Variants in OTX2 observed in about 807,000 individuals in gnomAD.
OTX2 encodes orthodenticle homeobox 2.
Under a neutral mutation model 29.0 loss-of-function variants are expected in OTX2, and 4 were observed. That is an observed-to-expected ratio of 0.14 (90% CI 0.07 to 0.32). The LOEUF is 0.32. Among genes scored for constraint, OTX2 ranks in the 10% least tolerant of loss-of-function variants. OTX2 has a pLI of 1.00. For missense variants in OTX2, 298 were observed against 365.9 expected (o/e 0.81, Z 1.51); for synonymous variants, 134 against 141.0 (o/e 0.95, Z 0.35).
At chr14:56,808,095 G>T (rs1892153095) in intron 2 of OTX2, among the ~76,000 whole-genome samples, 1 of 146,214 alleles carries the variant, frequency 6.8e-6, no homozygotes, top group South Asian at 2.2e-4. Context: ...GCAATCTGTC[G>T]CTTCTCCCTC....
intron 2 of OTX2, 34 bp from the exon 3 acceptor site, chr14:56,805,609 T>A: frequency 1.5e-6 from 1 of 669,736 alleles, no homozygotes; most frequent in Non-Finnish European, 2.7e-6. Flanking sequence ...ACAGAGGGGC[T>A]GGTTTACTGC....
At position 56,804,211 on chromosome 14, in the gene OTX2, T is replaced by G; in HGVS notation, c.250A>C (p.Asn84His). ...FMREEVALKI[N>H]LPESRVQVWF... ...ACCTGCACCCTCGACTCGGGCAAGTTGATTTTCAGTGCCACCTCCTCTCGC... is the reference window on the plus strand; with the variant it reads ...ACCTGCACCCTCGACTCGGGCAAGTGGATTTTCAGTGCCACCTCCTCTCGC... Residue 84 changes from asparagine (N) to histidine (H), a missense_variant, in exon 4 of 5, where the codon AAC becomes CAC. This residue lies in a region of OTX2 where 29 missense variants were observed against 84.7 expected (regional missense o/e 0.34). Transcript: ENST00000672264. The surrounding 1 kb of genome is among the most constrained non-coding windows in gnomAD (Gnocchi z 4.1). 6.2e-7 allele frequency: 1 copy of G among 1,614,150 alleles called. No individual in the cohort carries two copies. The highest frequency in any genetic ancestry group is 8.5e-7 in the Non-Finnish European group (1 of 1,180,026).
Position 56,802,350 on chromosome 14 carries a change from C to G in OTX2, c.279G>C (p.Trp93Cys). Residue 93 changes from tryptophan to cysteine, a missense_variant, in exon 5 of 5, where the codon TGG becomes TGC. Trp to Cys is a radical substitution (Grantham distance 215). This residue lies in a region of OTX2 where 29 missense variants were observed against 84.7 expected (regional missense o/e 0.34). Coordinates refer to ENST00000672264, the MANE Select transcript of OTX2 (RefSeq NM_021728.4). The surrounding 1 kb of genome is among the most constrained non-coding windows in gnomAD (Gnocchi z 4.4). ...INLPESRVQV[W>C]FKNRRAKCRQ... is the part of the protein sequence containing the mutation. ...GGCACTTAGCTCTTCGATTCTTAAA[C>G]CATACCTTGGAAGGGAAAGAAAATT... 6.2e-7 allele frequency: 1 copy of G among 1,614,164 alleles called. No homozygotes were observed. The highest frequency in any genetic ancestry group is 8.5e-7 in the Non-Finnish European group (1 of 1,180,038).
In OTX2 at chr14:56,801,982, A is replaced by C. The variant is rs1891899299; in HGVS notation, c.647T>G (p.Met216Arg). Reference sequence around the variant, plus strand: ...CCCTGGTCCGGGAAGCTGGTGATGCATAGGGGTCAAATATGATCCACAGTC... The same window carrying C: ...CCCTGGTCCGGGAAGCTGGTGATGCCTAGGGGTCAAATATGATCCACAGTC... ...GMDCGSYLTP[M>R]HHQLPGPGAT... The change falls in exon 5 of 5, where the codon ATG (methionine) becomes AGG (arginine). Residue 216 changes from methionine to arginine, a missense_variant. Met to Arg is a moderately conservative substitution (Grantham distance 91, BLOSUM62 -1). Transcript: ENST00000672264. The surrounding 1 kb of genome is among the most constrained non-coding windows in gnomAD (Gnocchi z 4.2). 2 of 1,614,172 alleles carry C rather than the reference A, an allele frequency of 1.2e-6. No homozygotes were observed. The highest frequency in any genetic ancestry group is 1.7e-6 in the Non-Finnish European group (2 of 1,180,034).
Position 56,801,288 on chromosome 14 carries a change from A to G in OTX2, c.*447T>C. ...GCCCTGAAAAGTTTTTTCAGTGCCA[A>G]CTACCAGTTGGTCATGAAACGTGAA... On this transcript the variant is annotated 3_prime_UTR_variant, in exon 5 of 5. Transcript: ENST00000672264. This position sits in a 1 kb window ranked among gnomAD's most constrained non-coding sequence, Gnocchi z 4.2. 4 of 222,832 alleles carry G rather than the reference A, an allele frequency of 1.8e-5. No individual in the cohort carries two copies. The South Asian group carries it at 3.1e-4, about 17-fold the overall frequency. 13.8% of individuals were successfully genotyped at this position (222,832 alleles called of 1,614,324 possible).
rs895494809 is a variant in OTX2, at chr14:56,800,041, T to C, written c.*1694A>G. 5 of 152,220 alleles carry C rather than the reference T, an allele frequency of 3.3e-5. No homozygotes were observed. Among genetic ancestry groups the C allele is most frequent in the Non-Finnish European group, 7.3e-5 (5 of 68,048 alleles). 9.4% of individuals were successfully genotyped at this position (152,220 alleles called of 1,614,324 possible). ...GAGGAGCACCATGATCATTGGCCCA[T>C]TTGTCTTTTCTGGTGACTGGTTTAC... is the stretch of plus-strand genomic sequence containing the variant. On this transcript the variant is annotated 3_prime_UTR_variant, in exon 5 of 5. Coordinates refer to ENST00000672264, the MANE Select transcript of OTX2 (RefSeq NM_021728.4).
chr14:56,807,225 CT>C (rs952702216), intron 2 of OTX2, among the ~76,000 whole-genome samples: 1 of 152,020 alleles, frequency 6.6e-6, no homozygotes, highest in Admixed American at 6.6e-5. Flanking sequence ...ATTGTCTTTT[CT>C]TTTCAAAATG....
intron 1 of OTX2, 77 bp from the exon 2 acceptor site, chr14:56,810,299 A>G (rs1892231529): frequency 6.6e-6 from 1 of 152,228 alleles, no homozygotes; most frequent in African/African-American, 2.4e-5. Context: ...ACAACCAAAA[A>G]AAATTTTTTT....
Position 56,806,886 on chromosome 14 carries a change from G to A in OTX2, c.-119-1311C>T, listed in dbSNP as rs184763603. Among the ~76,000 whole-genome samples the A allele has an allele frequency of 2.5e-3, 385 of 152,226 alleles. 1 individual carries two copies. Among genetic ancestry groups the A allele is most frequent in the African/African-American group, 7.8e-3 (323 of 41,512 alleles). ...CTGGCCTTTATTTTCCTAAAATGTG[G>A]CACTTATATGCAAGGATCTCTACTT... On this transcript the variant is annotated intron_variant, in intron 2 of 4. Transcript: ENST00000672264.
chr14:56,809,806 G>C (rs909201500), intron 2 of OTX2, among the ~76,000 whole-genome samples: 1 of 152,242 alleles, frequency 6.6e-6, no homozygotes, highest in African/African-American at 2.4e-5. Flanking sequence ...AAAACGCAAA[G>C]ATCGCGGGAG....
At chr14:56,809,135 G>A (rs928652355) in intron 2 of OTX2, among the ~76,000 whole-genome samples, 1 of 152,010 alleles carries the variant, frequency 6.6e-6, no homozygotes, top group Admixed American at 6.5e-5. Flanking sequence ...GCCTCTCCCC[G>A]CCAGAGAACA....
At position 56,800,387 on chromosome 14, in the gene OTX2, A is replaced by T. The variant is rs1258145828; in HGVS notation, c.*1348T>A. ...CCAATTCTCCTCCTCCCTCTTAAAA[A>T]CTTGATATATTTTAAAACATTCTAA... On this transcript the variant is annotated 3_prime_UTR_variant, in exon 5 of 5. Coordinates refer to ENST00000672264, the MANE Select transcript of OTX2 (RefSeq NM_021728.4). The T allele has an allele frequency of 2.0e-5, 3 of 152,176 alleles. No individual in the cohort carries two copies. In the South Asian group the frequency reaches 6.2e-4, roughly 32 times the overall value. The allele number at this position is 152,176 out of a possible 1,614,324, so 9.4% of individuals were successfully genotyped here.
In OTX2 at chr14:56,802,444, G is replaced by A. The variant is rs1891927491; in HGVS notation, c.274-89C>T. 7.1e-7 allele frequency: 1 copy of A among 1,413,648 alleles called. No homozygotes were observed. Among genetic ancestry groups the A allele is most frequent in the Non-Finnish European group, 9.9e-7 (1 of 1,006,774 alleles). The allele number at this position is 1,413,648 out of a possible 1,614,324, so 87.6% of individuals were successfully genotyped here. On this transcript the variant is annotated intron_variant, in intron 4 of 4. Transcript: ENST00000672264. The surrounding 1 kb of genome is among the most constrained non-coding windows in gnomAD (Gnocchi z 4.4). ...CCGTATTATAAATCTATCCTACATG[G>A]GCAGATCAGCTAAACACACAATTTC...
chr14:56,806,753 G>C (rs1010334537), intron 2 of OTX2: 1 of 152,200 alleles, frequency 6.6e-6, no homozygotes, highest in African/African-American at 2.4e-5. Flanking sequence ...AGGGGGAAAA[G>C]AAAGGAAGAA....
chr14:56,801,926 C>G lies in OTX2; in HGVS notation c.703G>C (p.Val235Leu). The G allele has an allele frequency of 6.2e-7, 1 of 1,614,188 alleles. No homozygotes were observed. Among genetic ancestry groups the G allele is most frequent in the Middle Eastern group, 1.6e-4 (1 of 6,062 alleles). ...GGGGACTGATTGAGATGGCTGGTGA[C>G]TGCATTGGTACCCATGGGACTGAGT... ...ATLSPMGTNA[V>L]TSHLNQSPAS... The change falls in exon 5 of 5, where the codon GTC (valine) becomes CTC (leucine). Residue 235 changes from valine to leucine, a missense_variant. By Grantham distance (32) the Val-to-Leu change is conservative. Around this residue, in one of 3 missense-constraint regions of OTX2, gnomAD observed 219 missense variants for 223.5 expected, o/e 0.98. Transcript: ENST00000672264. This position sits in a 1 kb window ranked among gnomAD's most constrained non-coding sequence, Gnocchi z 4.2.
chr14:56,808,332 A>G (rs1252016138), intron 2 of OTX2, among the ~76,000 whole-genome samples: 1 of 152,178 alleles, frequency 6.6e-6, no homozygotes, highest in Non-Finnish European at 1.5e-5. Context: ...AAACAAAACT[A>G]CGCGGACTGG....
In OTX2 at chr14:56,801,978, A is replaced by T; in HGVS notation, c.651T>A (p.His217Gln). 6.2e-7 allele frequency: 1 copy of T among 1,614,156 alleles called. No individual in the cohort carries two copies. Among genetic ancestry groups the T allele is most frequent in the South Asian group, 1.1e-5 (1 of 91,082 alleles). Reference protein sequence around the residue: ...MDCGSYLTPMHHQLPGPGATL... With the variant: ...MDCGSYLTPMQHQLPGPGATL... ...TGGCCCCTGGTCCGGGAAGCTGGTG[A>T]TGCATAGGGGTCAAATATGATCCAC... Residue 217 changes from histidine (H) to glutamine (Q), a missense_variant, in exon 5 of 5, where the codon CAT (histidine) becomes CAA (glutamine). Transcript: ENST00000672264. The surrounding 1 kb of genome is among the most constrained non-coding windows in gnomAD (Gnocchi z 4.2).
In OTX2 at chr14:56,804,361, G is replaced by T. The variant is rs371205339; in HGVS notation, c.100C>A (p.Pro34Thr). 1.9e-6 allele frequency: 3 copies of T among 1,612,818 alleles called. No homozygotes were observed. The South Asian group carries it at 3.3e-5, about 18-fold the overall frequency. Residue 34 changes from proline (P) to threonine (T), a missense_variant and splice_region_variant, in exon 4 of 5, where the codon CCC (proline) becomes ACC (threonine). Pro to Thr is a conservative substitution (Grantham distance 38, BLOSUM62 -1). Coordinates refer to ENST00000672264, the MANE Select transcript of OTX2 (RefSeq NM_021728.4). The surrounding 1 kb of genome is among the most constrained non-coding windows in gnomAD (Gnocchi z 4.1). Reference protein sequence around the residue: ...LLHPSVGYPGPWASCPAATPR... With the variant: ...LLHPSVGYPGTWASCPAATPR... ...GTGGCTGCGGGACAAGAAGCCCAGG[G>T]CCCTTTAGGGTGGGGGAGCAGTTTC...
Position 56,801,945 on chromosome 14 carries a change from A to G in OTX2, c.684T>C (p.Ser228=), listed in dbSNP as rs1281107964. ...HQLPGPGATL[S]PMGTNAVTSH... is the part of the protein sequence containing the mutation. Reference sequence around the variant, plus strand: ...TGGTGACTGCATTGGTACCCATGGGACTGAGTGTGGCCCCTGGTCCGGGAA... The same window carrying G: ...TGGTGACTGCATTGGTACCCATGGGGCTGAGTGTGGCCCCTGGTCCGGGAA... The change falls in exon 5 of 5, where the codon AGT becomes AGC. Residue 228 remains serine, a synonymous_variant. Coordinates refer to ENST00000672264, the MANE Select transcript of OTX2 (RefSeq NM_021728.4). This position sits in a 1 kb window ranked among gnomAD's most constrained non-coding sequence, Gnocchi z 4.2. The G allele has an allele frequency of 1.2e-6, 2 of 1,614,022 alleles. No homozygotes were observed. The highest frequency in any genetic ancestry group is 1.7e-6 in the Non-Finnish European group (2 of 1,180,026).
Sources: allele counts gnomAD v4.1 joint callset (sites outside exome capture counted in the v4.1 genomes callset), GRCh38; gene constraint gnomAD v4.1.1; regional missense constraint gnomAD v4.1.1; non-coding constraint Gnocchi (gnomAD v3.1); transcripts MANE v1.5; gene names NCBI Gene and HGNC (gene_info 2026-07-23, HGNC 2026-07-21).